BRAF: variants seen among roughly 807,000 people sequenced by gnomAD.
BRAF encodes B-Raf proto-oncogene, serine/threonine kinase.
Under a neutral mutation model 104.6 loss-of-function variants are expected in BRAF, and 16 were observed. The observed-to-expected ratio is 0.15, with a 90% CI of 0.10 to 0.23. The LOEUF is 0.23. BRAF is among the 10% of genes least tolerant of loss of function. The pLI is 1.00. For synonymous variants in BRAF, 310 were observed against 341.6 expected (o/e 0.91, Z 1.02); for missense variants, 541 against 937.3 (o/e 0.58, Z 5.52).
chr7:140,713,362 C>T, the BRAF span, among the ~76,000 whole-genome samples: 10 of 152,164 alleles, frequency 6.6e-5, no homozygotes, highest in Admixed American at 2.6e-4. Context: ...TCATTCATTT[C>T]ATCTTCCATC....
At chr7:140,915,190 T>TA (rs907816807) in intron 1 of BRAF, among the ~76,000 whole-genome samples, 6 of 151,326 alleles carry the variant, frequency 4.0e-5, no homozygotes, top group Admixed American at 1.3e-4. Context: ...TGGTACAAGG[T>TA]AAAAAATACA....
chr7:140,879,463 A>G (rs1812627323), intron 1 of BRAF, among the ~76,000 whole-genome samples: 1 of 150,626 alleles, frequency 6.6e-6, no homozygotes, highest in Non-Finnish European at 1.5e-5. Flanking sequence ...TACAGACGTG[A>G]GCCACTGAGC....
rs533647072 is a variant in BRAF at position 140,784,250 on chromosome 7, C to A, written c.1298-1093G>T. ...TGTTTAATCTGTAGAAAATGTTTACCATTATTACATCATATTATATCACCA... is the reference window on the plus strand; with the variant it reads ...TGTTTAATCTGTAGAAAATGTTTACAATTATTACATCATATTATATCACCA... On this transcript the variant is annotated intron_variant, in intron 10 of 19. Transcript: ENST00000644969. Among the ~76,000 whole-genome samples, 16 of 152,158 alleles carry A rather than the reference C, an allele frequency of 1.1e-4. No homozygotes were observed. The South Asian group carries it at 1.5e-3, about 14-fold the overall frequency.
In BRAF at chr7:140,749,406, T is replaced by C; in HGVS notation, c.1993A>G (p.Ile665Val). 6.2e-7 allele frequency: 1 copy of C among 1,613,066 alleles called. No homozygotes were observed. Among genetic ancestry groups the C allele is most frequent in the Non-Finnish European group, 8.5e-7 (1 of 1,179,430 alleles). ...GSILWMAPEV[I>V]RMQDKNPYSF... Reference sequence around the variant, plus strand: ...TATGGATTTTTATCTTGCATTCTGATGACTTCTGGTGCCTGTTAGAACATA... The same window carrying C: ...TATGGATTTTTATCTTGCATTCTGACGACTTCTGGTGCCTGTTAGAACATA... Residue 665 changes from isoleucine (I) to valine (V), a missense_variant, in exon 17 of 20, where the codon ATC becomes GTC. Around this residue, in one of 10 missense-constraint regions of BRAF, gnomAD observed 129 missense variants for 285.8 expected, o/e 0.45. Coordinates refer to ENST00000644969, the MANE Select transcript of BRAF (RefSeq NM_001374258.1).
In BRAF at chr7:140,826,678, A is replaced by G. The variant is rs191268719; in HGVS notation, c.504+7931T>C. Among the ~76,000 whole-genome samples, 13 of 152,334 alleles carry G rather than the reference A, an allele frequency of 8.5e-5. No individual in the cohort carries two copies. The East Asian group carries it at 2.1e-3, about 25-fold the overall frequency. On this transcript the variant is annotated intron_variant, in intron 3 of 19. Transcript: ENST00000644969. ...TTCAGATTTGTACCCTCTACTGTGT[A>G]TAAGTTCCATCTCAAAAAAGCGTGG...
At chr7:140,734,592 T>C (rs200360246) in intron 19 of BRAF, 3 of 1,613,962 alleles carry the variant, frequency 1.9e-6, no homozygotes, top group East Asian at 2.2e-5. Context: ...TCTCACTCAT[T>C]TGTTTCAGTG....
At chr7:140,899,995 A>AG (rs910737225) in intron 1 of BRAF, among the ~76,000 whole-genome samples, 2 of 152,214 alleles carry the variant, frequency 1.3e-5, no homozygotes, top group Non-Finnish European at 2.9e-5. Flanking sequence ...CATCCACATG[A>AG]GGGAGCACAA....
At chr7:140,827,329 G>C (rs1806168301) in intron 3 of BRAF, among the ~76,000 whole-genome samples, 1 of 152,124 alleles carries the variant, frequency 6.6e-6, no homozygotes, top group African/African-American at 2.4e-5. Flanking sequence ...CTGAGGGAGG[G>C]TTTCCATTGC....
chr7:140,723,683 T>G lies in BRAF; in HGVS notation c.*2811A>C. 2.9e-6 allele frequency: 3 copies of G among 1,051,412 alleles called. No individual in the cohort carries two copies. Among genetic ancestry groups the G allele is most frequent in the Non-Finnish European group, 3.4e-6 (3 of 870,582 alleles). The allele number at this position is 1,051,412 out of a possible 1,614,324, so 65.1% of individuals were successfully genotyped here. Reference sequence around the variant, plus strand: ...ACAATCCTCTGTAGTTGCTCTCAAATTTTTCAGAAGGCTTCACCTCTCCCT... The same window carrying G: ...ACAATCCTCTGTAGTTGCTCTCAAAGTTTTCAGAAGGCTTCACCTCTCCCT... On this transcript the variant is annotated 3_prime_UTR_variant, in exon 20 of 20. Coordinates refer to ENST00000644969, the MANE Select transcript of BRAF (RefSeq NM_001374258.1).
rs2129011263 is a variant in BRAF at position 140,766,500 on chromosome 7, A to G, written c.1814+10412T>C. 1.3e-5 allele frequency among the ~76,000 whole-genome samples: 2 copies of G among 149,882 alleles called. 1 individual carries two copies. The highest frequency in any genetic ancestry group is 4.4e-4 in the South Asian group (2 of 4,566). On this transcript the variant is annotated intron_variant, in intron 14 of 19. Transcript: ENST00000644969. Reference sequence around the variant, plus strand: ...AAACATACAGAAAAATGGAAAGAATACCCACACACCTTCCACATAGATTCC... The same window carrying G: ...AAACATACAGAAAAATGGAAAGAATGCCCACACACCTTCCACATAGATTCC...
rs7802155 is a variant in BRAF, at chr7:140,832,935, G to A, written c.504+1674C>T. ...GTTGCCCAGGCTGGAGTGCAGTGGC[G>A]CGATCTCGGCTCACTGCAAGCTCCG... On this transcript the variant is annotated intron_variant, in intron 3 of 19. Coordinates refer to ENST00000644969, the MANE Select transcript of BRAF (RefSeq NM_001374258.1). 1.3e-3 allele frequency among the ~76,000 whole-genome samples: 193 copies of A among 149,838 alleles called. 2 individuals are homozygous for A. Among genetic ancestry groups the A allele is most frequent in the African/African-American group, 4.3e-3 (176 of 40,644 alleles).
chr7:140,762,820 T>C (rs1562946893), intron 14 of BRAF, among the ~76,000 whole-genome samples: 1 of 152,158 alleles, frequency 6.6e-6, no homozygotes. Flanking sequence ...TTAAGGAGCA[T>C]GCTGCCTTCA....
rs1299456455 is a variant in BRAF at position 140,871,197 on chromosome 7, G to A, written c.139-20985C>T. 2.9e-5 allele frequency among the ~76,000 whole-genome samples: 4 copies of A among 138,364 alleles called. No homozygotes were observed. In the East Asian group the frequency reaches 6.2e-4, roughly 21 times the overall value. The allele number at this position is 138,364 out of a possible 152,430, so 90.8% of individuals were successfully genotyped here. A position where few individuals can be genotyped will look rare whatever the true frequency, so the allele number is the denominator to read the frequency against. ...GCGGAGCTTGCAGTGAGCCGAGATCGCGCCACTACTCCAGCCTGGGGGACA... is the reference window on the plus strand; with the variant it reads ...GCGGAGCTTGCAGTGAGCCGAGATCACGCCACTACTCCAGCCTGGGGGACA... On this transcript the variant is annotated intron_variant, in intron 1 of 19. Transcript: ENST00000644969.
chr7:140,751,700 C>T (rs1797805291), intron 16 of BRAF, among the ~76,000 whole-genome samples: 1 of 152,126 alleles, frequency 6.6e-6, no homozygotes, highest in African/African-American at 2.4e-5. Flanking sequence ...TCCACCTTGC[C>T]ACCTGCCCTA....
At chr7:140,850,008 C>A in intron 2 of BRAF, 103 bp downstream of exon 2, 2 of 856,580 alleles carry the variant, frequency 2.3e-6, no homozygotes, top group Non-Finnish European at 3.8e-6. Context: ...AAATCTATTC[C>A]TAATCCCACC....
At chr7:140,832,936 C>T (rs1044727844) in intron 3 of BRAF, among the ~76,000 whole-genome samples, 1 of 149,392 alleles carries the variant, frequency 6.7e-6, no homozygotes, top group African/African-American at 2.5e-5. Flanking sequence ...TGCAGTGGCG[C>T]GATCTCGGCT....
intron 1 of BRAF, among the ~76,000 whole-genome samples, chr7:140,863,649 T>C (rs574731247): frequency 7.2e-4 from 110 of 152,344 alleles, no homozygotes; most frequent in South Asian, 2.5e-3. Flanking sequence ...GGATCTTTCA[T>C]GAATGGTTTA....
At chr7:140,883,100 C>T (rs1456676618) in intron 1 of BRAF, among the ~76,000 whole-genome samples, 1 of 152,068 alleles carries the variant, frequency 6.6e-6, no homozygotes, top group Admixed American at 6.6e-5. Context: ...TTTCCTATGG[C>T]TTTCTGCTAT....
intron 1 of BRAF, among the ~76,000 whole-genome samples, chr7:140,874,404 G>A (rs1408993006): frequency 1.3e-5 from 2 of 151,480 alleles, no homozygotes; most frequent in Non-Finnish European, 2.9e-5. Context: ...GTTTCATCAC[G>A]TTGGCCAGGA....
Sources: gnomAD v4.1 joint callset for allele counts (sites outside exome capture counted in the v4.1 genomes callset) on GRCh38, gnomAD v4.1.1 for gene constraint, gnomAD v4.1.1 regional missense constraint, MANE v1.5 for transcripts, NCBI Gene and HGNC (gene_info 2026-07-23, HGNC 2026-07-21) for gene names.